Variants in PRAP1 observed in about 807,000 individuals in gnomAD.
PRAP1 encodes proline-rich acidic protein 1.
PRAP1 carries 12 observed loss-of-function variants against 14.6 expected under a neutral mutation model. The ratio of observed to expected loss-of-function variants is 0.82; its 90% CI spans 0.53 to 1.33. The LOEUF (loss-of-function observed/expected upper bound fraction) is 1.33, where lower values mean the gene tolerates loss of function less well. Among genes scored for constraint, PRAP1 ranks in the 40% most tolerant of loss-of-function variants. The pLI, the probability that PRAP1 is intolerant of heterozygous loss-of-function variation, is 0.00. For missense variants in PRAP1, 160 were observed against 193.7 expected, an observed-to-expected ratio of 0.83 and a Z score of 1.03; for synonymous variants, 81 against 80.3, an observed-to-expected ratio of 1.01 and a Z score of -0.04.
intron 1 of PRAP1, 128 bp from the exon 2 acceptor site, chr10:133,349,967 C>A: frequency 1.4e-6 from 1 of 740,406 alleles, no homozygotes. Flanking sequence ...GAGCACAGTC[C>A]AGTAAAACTA....
chr10:133,349,897 C>T (rs1001932617), intron 1 of PRAP1, among the ~76,000 whole-genome samples, 198 bp from the exon 2 acceptor site: 1 of 152,220 alleles, frequency 6.6e-6, no homozygotes, highest in Non-Finnish European at 1.5e-5. Flanking sequence ...CTGAGGGGGG[C>T]TGGAGGCAGG....
At chr10:133,350,031 G>GCTGCCTGGAGTTCAGGGCA in intron 1 of PRAP1, 64 bp from the exon 2 acceptor site, 1 of 1,462,498 alleles carries the variant, frequency 6.8e-7, no homozygotes, top group Non-Finnish European at 9.3e-7. Context: ...CCATCAGGGT[G>GCTGCCTGGAGTTCAGGGCA]CTGCCTGGAG....
rs551651378 is a variant in PRAP1 at position 133,351,791 on chromosome 10, A to C, written c.129-216A>C. On this transcript the variant is annotated intron_variant, in intron 3 of 4. Transcript: ENST00000433452. The surrounding 1 kb of genome is among the most constrained non-coding windows in gnomAD (Gnocchi z 4.3). ...GGGACACTGCTCAACCAAGGCTCTG[A>C]CCACTGCTCCCCACGCAGCCACCCA... Among the ~76,000 whole-genome samples the C allele has an allele frequency of 1.3e-5, 2 of 152,058 alleles. No individual in the cohort carries two copies. The highest frequency in any genetic ancestry group is 2.9e-5 in the Non-Finnish European group (2 of 67,986).
Position 133,352,580 on chromosome 10 carries a change from T to C in PRAP1, c.*140T>C, listed in dbSNP as rs866299739. The stretch of plus-strand genomic sequence containing the variant: ...GGCTCACCTCTGTAATCCCAGCACT[T>C]TTAGAGGCCGAGGCAGGCGGATCAC... On this transcript the variant is annotated 3_prime_UTR_variant, in exon 5 of 5. Transcript: ENST00000433452. 3 of 686,806 alleles carry C rather than the reference T, an allele frequency of 4.4e-6. No homozygotes were observed. The highest frequency in any genetic ancestry group is 1.8e-5 in the African/African-American group (1 of 55,172). The allele number at this position is 686,806 out of a possible 1,614,324, so 42.5% of individuals were successfully genotyped here.
At chr10:133,349,772 C>T (rs1848648653) in intron 1 of PRAP1, among the ~76,000 whole-genome samples, 1 of 152,210 alleles carries the variant, frequency 6.6e-6, no homozygotes, top group Admixed American at 6.5e-5. Context: ...TGGAGGGCGG[C>T]ACAGAGGCAT....
At position 133,352,288 on chromosome 10, in the gene PRAP1, G is replaced by A. The variant is rs144624666; in HGVS notation, c.304G>A (p.Val102Ile). Reference sequence around the variant, plus strand: ...GGAGACCGAGGACACCCTGGGCCATGTCCTGAGTCCCGAGCCCGACCATGA... The same window carrying A: ...GGAGACCGAGGACACCCTGGGCCATATCCTGAGTCCCGAGCCCGACCATGA... ...WMETEDTLGH[V>I]LSPEPDHDSL... Residue 102 changes from valine to isoleucine, a missense_variant, in exon 5 of 5, where the codon GTC becomes ATC. Physicochemically the swap from Val to Ile is conservative, Grantham distance 29 (BLOSUM62 3). Coordinates refer to ENST00000433452, the MANE Select transcript of PRAP1 (RefSeq NM_145202.5). The A allele has an allele frequency of 1.7e-5, 27 of 1,613,008 alleles. No homozygotes were observed. Among genetic ancestry groups the A allele is most frequent in the Non-Finnish European group, 2.3e-5 (27 of 1,180,000 alleles).
In PRAP1 at chr10:133,351,714, T is replaced by C. The variant is rs1354895024; in HGVS notation, c.128+281T>C. 1.3e-5 allele frequency among the ~76,000 whole-genome samples: 2 copies of C among 152,198 alleles called. No homozygotes were observed. Among genetic ancestry groups the C allele is most frequent in the Non-Finnish European group, 1.5e-5 (1 of 68,024 alleles). ...GCTTGTGCTCCACGGCTGGTGGCTG[T>C]AGCTGGGGCGGCTCAGTCTTGGATC... On this transcript the variant is annotated intron_variant, in intron 3 of 4. Transcript: ENST00000433452. The surrounding 1 kb of genome is among the most constrained non-coding windows in gnomAD (Gnocchi z 4.3).
Position 133,352,452 on chromosome 10 carries a change from C to T in PRAP1, c.*12C>T, listed in dbSNP as rs1848697647. 4 of 1,608,140 alleles carry T rather than the reference C, an allele frequency of 2.5e-6. No individual in the cohort carries two copies. Among genetic ancestry groups the T allele is most frequent in the South Asian group, 1.1e-5 (1 of 90,684 alleles). ...ACCACCCCCAGTAGGGCTCCAGGGG[C>T]CATCACTGCCCCCGCCCTGTCCCAA... On this transcript the variant is annotated 3_prime_UTR_variant, in exon 5 of 5. Coordinates refer to ENST00000433452, the MANE Select transcript of PRAP1 (RefSeq NM_145202.5).
intron 2 of PRAP1, chr10:133,350,598 A>G (rs1848660944): frequency 1.8e-5 from 3 of 170,616 alleles, no homozygotes; most frequent in Admixed American, 1.7e-4. Flanking sequence ...TGGGCCTTGA[A>G]GGCCAGAGGT....
intron 1 of PRAP1, among the ~76,000 whole-genome samples, chr10:133,348,805 G>A (rs148168413): frequency 2.0e-5 from 3 of 152,066 alleles, no homozygotes; most frequent in African/African-American, 7.2e-5. Context: ...GGGATTACAG[G>A]CGTGAGTCAC....
In PRAP1 at chr10:133,351,251, G is replaced by T. The variant is rs943389105; in HGVS notation, c.76-130G>T. 1.8e-5 allele frequency: 11 copies of T among 621,942 alleles called. No homozygotes were observed. Among genetic ancestry groups the T allele is most frequent in the African/African-American group, 7.3e-5 (4 of 54,974 alleles). 38.5% of individuals were successfully genotyped at this position (621,942 alleles called of 1,614,324 possible). On this transcript the variant is annotated intron_variant, in intron 2 of 4. Transcript: ENST00000433452. The surrounding 1 kb of genome is among the most constrained non-coding windows in gnomAD (Gnocchi z 4.3). ...AGAGACGCTCGAGCTGTGCTGAGCT[G>T]GCCCTGCCCCCACCCCCTGCAGCCA... is the stretch of plus-strand genomic sequence containing the variant.
chr10:133,349,183 T>C (rs1315632734), intron 1 of PRAP1, among the ~76,000 whole-genome samples: 1 of 143,878 alleles, frequency 7.0e-6, no homozygotes, highest in African/African-American at 2.6e-5. Flanking sequence ...CCCCAAACCC[T>C]TACGCTCCAC....
chr10:133,348,850 G>A (rs975454509), intron 1 of PRAP1, among the ~76,000 whole-genome samples: 1 of 151,774 alleles, frequency 6.6e-6, no homozygotes, highest in African/African-American at 2.4e-5. Flanking sequence ...TAGTAGAGAC[G>A]GAGTTTTGCC....
chr10:133,348,393 G>C (rs1341259428), intron 1 of PRAP1, among the ~76,000 whole-genome samples: 1 of 152,206 alleles, frequency 6.6e-6, no homozygotes, highest in Non-Finnish European at 1.5e-5. Context: ...CCAGAGAACG[G>C]GCAAAGGTCC....
intron 2 of PRAP1, 107 bp downstream of exon 2, chr10:133,350,268 C>T: frequency 3.0e-6 from 3 of 996,188 alleles, no homozygotes; most frequent in South Asian, 3.0e-5. Flanking sequence ...AAACCCCAAG[C>T]TGGCTTAGGG....
chr10:133,347,476 G>C lies in PRAP1; in HGVS notation c.8+51G>C, dbSNP rs753496005. ...ATCCCCACCCCACCCAAACCTGGAG[G>C]CCTGGCCCTTAGCCAGAGGGGGCCC... On this transcript the variant is annotated intron_variant, in intron 1 of 4. Coordinates refer to ENST00000433452, the MANE Select transcript of PRAP1 (RefSeq NM_145202.5). The surrounding 1 kb of genome is among the most constrained non-coding windows in gnomAD (Gnocchi z 5.0). The C allele has an allele frequency of 6.3e-7, 1 of 1,577,652 alleles. No individual in the cohort carries two copies. Among genetic ancestry groups the C allele is most frequent in the East Asian group, 2.3e-5 (1 of 44,080 alleles).
chr10:133,348,992 C>T (rs1307446335), intron 1 of PRAP1, among the ~76,000 whole-genome samples: 1 of 151,936 alleles, frequency 6.6e-6, no homozygotes, highest in African/African-American at 2.4e-5. Context: ...CTGCTGAGCC[C>T]TGTACAGACC....
At position 133,347,396 on chromosome 10, in the gene PRAP1, T is replaced by C; in HGVS notation, c.-22T>C. On this transcript the variant is annotated 5_prime_UTR_variant, in exon 1 of 5. Transcript: ENST00000433452. The surrounding 1 kb of genome is among the most constrained non-coding windows in gnomAD (Gnocchi z 5.0). Reference sequence around the variant, plus strand: ...CCACTGCAGCTCCCTGAGCACTCTCTACAGAGACGCGGACCCCAGACATGA... The same window carrying C: ...CCACTGCAGCTCCCTGAGCACTCTCCACAGAGACGCGGACCCCAGACATGA... The C allele has an allele frequency of 1.9e-6, 3 of 1,613,348 alleles. No individual in the cohort carries two copies. Among genetic ancestry groups the C allele is most frequent in the Non-Finnish European group, 2.5e-6 (3 of 1,179,596 alleles).
chr10:133,347,552 G>A lies in PRAP1; in HGVS notation c.8+127G>A. 3 of 935,708 alleles carry A rather than the reference G, an allele frequency of 3.2e-6. No individual in the cohort carries two copies. Among genetic ancestry groups the A allele is most frequent in the South Asian group, 1.7e-5 (1 of 57,198 alleles). 58.0% of individuals were successfully genotyped at this position (935,708 alleles called of 1,614,324 possible). On this transcript the variant is annotated intron_variant, in intron 1 of 4. Transcript: ENST00000433452. This position sits in a 1 kb window ranked among gnomAD's most constrained non-coding sequence, Gnocchi z 5.0. ...GGTTCAGGGGAGTGTGCGGGTGGGA[G>A]GGAGAAGGAGGGGCCCTCTGAGGGT...
Sources: allele counts gnomAD v4.1 joint callset (sites outside exome capture counted in the v4.1 genomes callset), GRCh38; gene constraint gnomAD v4.1.1; non-coding constraint Gnocchi (gnomAD v3.1); transcripts MANE v1.5; gene names NCBI Gene and HGNC (gene_info 2026-07-23, HGNC 2026-07-21).